The following GALNTL6 variants were observed in gnomAD, a reference collection of about 807,000 sequenced individuals.
The protein encoded by GALNTL6 is polypeptide N-acetylgalactosaminyltransferase like 6.
Under a neutral mutation model 73.7 loss-of-function variants are expected in GALNTL6, and 46 were observed. The ratio of observed to expected loss-of-function variants is 0.62; its 90% CI spans 0.49 to 0.80. The LOEUF (loss-of-function observed/expected upper bound fraction) is 0.80, where lower values mean the gene tolerates loss of function less well. Ranked by LOEUF, GALNTL6 falls within the 30% of genes least tolerant of loss-of-function variation. The pLI is 0.00. For missense variants in GALNTL6, 604 were observed against 755.0 expected (o/e 0.80, Z 2.34); for synonymous variants, 259 against 263.7 (o/e 0.98, Z 0.17).
At chr4:172,243,104 T>C (rs559783615) in intron 3 of GALNTL6, among the ~76,000 whole-genome samples, 2 of 152,346 alleles carry the variant, frequency 1.3e-5, no homozygotes, top group East Asian at 1.9e-4. Context: ...TCTTACTGAT[T>C]GGTGTTCAGT....
chr4:171,899,548 T>C (rs1243768230), intron 2 of GALNTL6, among the ~76,000 whole-genome samples: 2 of 152,184 alleles, frequency 1.3e-5, no homozygotes, highest in African/African-American at 4.8e-5. Flanking sequence ...GCAAAATTTA[T>C]GTTACAGACT....
intron 7 of GALNTL6, among the ~76,000 whole-genome samples, chr4:172,829,196 G>A (rs546655525): frequency 6.6e-5 from 10 of 152,312 alleles, no homozygotes; most frequent in South Asian, 6.2e-4. Flanking sequence ...TCTTCGGAGC[G>A]CAAAACACAG....
chr4:172,385,146 A>G (rs1264159139), intron 5 of GALNTL6, among the ~76,000 whole-genome samples: 1 of 151,378 alleles, frequency 6.6e-6, no homozygotes, highest in African/African-American at 2.4e-5. Flanking sequence ...TCAAGAAGAG[A>G]TGATGAACAA....
At chr4:172,042,864 TAAAAAA>T (rs397996272) in intron 2 of GALNTL6, among the ~76,000 whole-genome samples, 3 of 44,400 alleles carry the variant, frequency 6.8e-5, no homozygotes, top group Non-Finnish European at 1.2e-4. Flanking sequence ...TCTTTAACAG[TAAAAAA>T]AAAAAAAAAA....
At chr4:172,714,306 AACACAC>A (rs3084330) in intron 5 of GALNTL6, among the ~76,000 whole-genome samples, 4,374 of 148,876 alleles carry the variant, frequency 0.029, 99 homozygotes, top group African/African-American at 0.06. Context: ...TTTCACACCA[AACACAC>A]ACACACACAC....
At chr4:172,054,792 T>A (rs1730975947) in intron 2 of GALNTL6, among the ~76,000 whole-genome samples, 1 of 152,196 alleles carries the variant, frequency 6.6e-6, no homozygotes, top group Non-Finnish European at 1.5e-5. Flanking sequence ...CTTGTCAAAC[T>A]CATATTGTCC....
rs577594381 is a variant in GALNTL6, at chr4:172,554,774, TC to T, written c.553+206087del. ...TCCGTTCTCATTGCCCTCATACAAA[TC>T]CATTGTATGGACATTGCGCAATTTG... On this transcript the variant is annotated intron_variant, in intron 5 of 12. Coordinates refer to ENST00000506823, the MANE Select transcript of GALNTL6 (RefSeq NM_001034845.3). 3.3e-5 allele frequency among the ~76,000 whole-genome samples: 5 copies of T among 152,276 alleles called. No homozygotes were observed. In the East Asian group the frequency reaches 9.6e-4, roughly 29 times the overall value.
intron 2 of GALNTL6, among the ~76,000 whole-genome samples, chr4:172,029,429 C>T (rs1273943395): frequency 6.6e-6 from 1 of 152,048 alleles, no homozygotes; most frequent in South Asian, 2.1e-4. Context: ...ACATATGTGG[C>T]TGACACTATC....
At chr4:172,389,005 A>G (rs937564969) in intron 5 of GALNTL6, among the ~76,000 whole-genome samples, 3 of 151,914 alleles carry the variant, frequency 2.0e-5, no homozygotes, top group African/African-American at 7.2e-5. Context: ...AATAGCTTAA[A>G]GTTAGTTTTT....
chr4:172,853,165 C>T (rs1172913037), intron 7 of GALNTL6, among the ~76,000 whole-genome samples: 1 of 152,204 alleles, frequency 6.6e-6, no homozygotes, highest in Non-Finnish European at 1.5e-5. Context: ...GTAGTCCCAT[C>T]TGAAGCTCAG....
At chr4:172,131,784 C>T (rs991519441) in intron 2 of GALNTL6, among the ~76,000 whole-genome samples, 3 of 151,588 alleles carry the variant, frequency 2.0e-5, no homozygotes, top group South Asian at 4.1e-4. Context: ...TGATGCTTCT[C>T]CAGGGCACTG....
intron 5 of GALNTL6, among the ~76,000 whole-genome samples, chr4:172,723,234 T>C (rs1167872715): frequency 6.6e-6 from 1 of 152,168 alleles, no homozygotes; most frequent in Non-Finnish European, 1.5e-5. Flanking sequence ...TACTGTAAAG[T>C]AACATATTCA....
chr4:171,824,383 C>A (rs1486616459), intron 2 of GALNTL6, among the ~76,000 whole-genome samples: 3 of 151,916 alleles, frequency 2.0e-5, no homozygotes, highest in Non-Finnish European at 4.4e-5. Flanking sequence ...TACTCAAAGA[C>A]CTTGGACAAA....
chr4:172,286,830 A>C (rs1739274201), intron 3 of GALNTL6, among the ~76,000 whole-genome samples: 1 of 152,154 alleles, frequency 6.6e-6, no homozygotes, highest in Admixed American at 6.5e-5. Flanking sequence ...AAAGAAGGAA[A>C]ATTTTAAAAA....
chr4:172,423,217 C>T (rs1481369258), intron 5 of GALNTL6, among the ~76,000 whole-genome samples: 1 of 151,976 alleles, frequency 6.6e-6, no homozygotes, highest in African/African-American at 2.4e-5. Context: ...TCACTCTTTT[C>T]TTCCCAGTCC....
chr4:171,954,594 A>G (rs1319606955), intron 2 of GALNTL6, among the ~76,000 whole-genome samples: 1 of 152,210 alleles, frequency 6.6e-6, no homozygotes, highest in Non-Finnish European at 1.5e-5. Flanking sequence ...TATTTGTGAA[A>G]CAATATTTCT....
chr4:171,991,031 C>T (rs1740316297), intron 2 of GALNTL6, among the ~76,000 whole-genome samples: 1 of 151,812 alleles, frequency 6.6e-6, no homozygotes, highest in East Asian at 1.9e-4. Context: ...CAAAGAAGTT[C>T]TCATCTACAC....
At chr4:172,393,230 G>T (rs555348688) in intron 5 of GALNTL6, among the ~76,000 whole-genome samples, 1 of 152,094 alleles carries the variant, frequency 6.6e-6, no homozygotes, top group African/African-American at 2.4e-5. Flanking sequence ...GATAGAACAT[G>T]TGAGTGTCTA....
chr4:172,995,919 T>C (rs142887796), intron 10 of GALNTL6, among the ~76,000 whole-genome samples: 150 of 152,312 alleles, frequency 9.8e-4, no homozygotes, highest in African/African-American at 3.2e-3. Context: ...TGACCACGCC[T>C]CTGTTCCAAC....
Sources: allele counts gnomAD v4.1 joint callset (sites outside exome capture counted in the v4.1 genomes callset), GRCh38; gene constraint gnomAD v4.1.1; transcripts MANE v1.5; gene names NCBI Gene and HGNC (gene_info 2026-07-23, HGNC 2026-07-21).